Variants in CDH18 observed in about 807,000 individuals in gnomAD.
The protein encoded by CDH18 is cadherin-18.
Under a neutral mutation model 67.9 loss-of-function variants are expected in CDH18, and 31 were observed. The observed-to-expected ratio is 0.46, with a 90% confidence interval of 0.34 to 0.62. The LOEUF is 0.62. CDH18 is among the 20% of genes least tolerant of loss of function. CDH18 has a pLI of 0.01. For synonymous variants in CDH18, 362 were observed against 347.2 expected (o/e 1.04, Z -0.48); for missense variants, 890 against 975.5 (o/e 0.91, Z 1.17).
At chr5:20,101,102 C>T (rs1392407318) in intron 2 of CDH18, among the ~76,000 whole-genome samples, 1 of 151,896 alleles carries the variant, frequency 6.6e-6, no homozygotes, top group African/African-American at 2.4e-5. Flanking sequence ...CAGGTATGTA[C>T]ACCACATCGG....
At chr5:19,750,809 T>C (rs1303739367) in intron 3 of CDH18, among the ~76,000 whole-genome samples, 1 of 143,786 alleles carries the variant, frequency 7.0e-6, no homozygotes, top group African/African-American at 2.6e-5. Context: ...ACCAAGGGCA[T>C]TGTAGCAGGG....
intron 1 of CDH18, among the ~76,000 whole-genome samples, chr5:20,505,884 C>T (rs1269252606): frequency 6.6e-6 from 1 of 152,146 alleles, no homozygotes; most frequent in Non-Finnish European, 1.5e-5. Context: ...GCATACACTC[C>T]CCCACGAGAA....
chr5:19,683,587 T>C (rs562439620), intron 5 of CDH18, among the ~76,000 whole-genome samples: 16 of 152,088 alleles, frequency 1.1e-4, no homozygotes, highest in Non-Finnish European at 2.4e-4. Context: ...AAAGGGATCA[T>C]TTAAAGTCTC....
At chr5:19,490,638 C>T (rs1741314394) in intron 11 of CDH18, among the ~76,000 whole-genome samples, 2 of 151,934 alleles carry the variant, frequency 1.3e-5, no homozygotes, top group African/African-American at 2.4e-5. Context: ...TGATCTCAAT[C>T]TCTGGACCTC....
chr5:19,652,882 TTCATTTA>T (rs1218306195), intron 5 of CDH18, among the ~76,000 whole-genome samples: 4 of 152,092 alleles, frequency 2.6e-5, no homozygotes, highest in South Asian at 2.1e-4. Flanking sequence ...AAATGATGCA[TTCATTTA>T]CAAGGACAGC....
At chr5:20,312,894 C>G (rs947970520) in intron 1 of CDH18, among the ~76,000 whole-genome samples, 82 of 152,062 alleles carry the variant, frequency 5.4e-4, no homozygotes, top group African/African-American at 1.9e-3. Flanking sequence ...TCTTTTTAAT[C>G]AATTCTTTCT....
intron 2 of CDH18, among the ~76,000 whole-genome samples, chr5:20,049,843 A>C (rs1741254233): frequency 6.6e-6 from 1 of 151,956 alleles, no homozygotes; most frequent in Non-Finnish European, 1.5e-5. Flanking sequence ...CTGGACAGGA[A>C]GCCAGAATGA....
intron 2 of CDH18, among the ~76,000 whole-genome samples, chr5:20,028,689 T>C (rs4292450): frequency 0.84 from 127,407 of 152,070 alleles, 55,657 homozygotes; most frequent in Non-Finnish European, 0.96. Flanking sequence ...AAATACAGCG[T>C]GGATAAGCTG....
chr5:20,044,080 A>G (rs894491808), intron 2 of CDH18, among the ~76,000 whole-genome samples: 10 of 152,276 alleles, frequency 6.6e-5, no homozygotes, highest in East Asian at 1.9e-4. Flanking sequence ...ATTAATTAGT[A>G]TATTAGTAAA....
intron 3 of CDH18, among the ~76,000 whole-genome samples, chr5:19,779,510 T>A (rs911616280): frequency 6.6e-6 from 1 of 152,186 alleles, no homozygotes; most frequent in Non-Finnish European, 1.5e-5. Context: ...TCTGCTATCC[T>A]CAATTCATGG....
intron 1 of CDH18, among the ~76,000 whole-genome samples, chr5:20,333,817 G>C (rs777121350): frequency 6.6e-6 from 1 of 151,992 alleles, no homozygotes; most frequent in Non-Finnish European, 1.5e-5. Flanking sequence ...TCTTACTGGA[G>C]GCATCACTTT....
intron 5 of CDH18, among the ~76,000 whole-genome samples, chr5:19,657,154 CT>C (rs1391043528): frequency 6.6e-6 from 1 of 152,056 alleles, no homozygotes; most frequent in Admixed American, 6.6e-5. Context: ...CTTGTACTCT[CT>C]TGTGTCATCA....
At chr5:19,611,510 T>C (rs1208646984) in intron 6 of CDH18, among the ~76,000 whole-genome samples, 1 of 152,146 alleles carries the variant, frequency 6.6e-6, no homozygotes, top group Non-Finnish European at 1.5e-5. Context: ...GAGGAGGCAG[T>C]ATTCCACAGT....
chr5:20,190,725 A>T (rs1738470485), intron 2 of CDH18, among the ~76,000 whole-genome samples: 1 of 151,974 alleles, frequency 6.6e-6, no homozygotes, highest in Admixed American at 6.6e-5. Flanking sequence ...ATTACCATTG[A>T]CTCCTCCTAA....
intron 3 of CDH18, among the ~76,000 whole-genome samples, chr5:19,795,972 T>C (rs1332622086): frequency 6.6e-6 from 1 of 151,818 alleles, no homozygotes. Context: ...ATAGGTTGAG[T>C]AGTAGAGTGG....
intron 2 of CDH18, among the ~76,000 whole-genome samples, chr5:20,240,030 A>G (rs767487475): frequency 3.9e-5 from 6 of 152,136 alleles, no homozygotes; most frequent in African/African-American, 7.2e-5. Context: ...ATTTTAGAAC[A>G]AAAAAGACAA....
chr5:20,295,854 A>C (rs148186569), intron 1 of CDH18, among the ~76,000 whole-genome samples: 2,583 of 141,828 alleles, frequency 0.018, 89 homozygotes, highest in African/African-American at 0.063. Flanking sequence ...ATTTTATTTT[A>C]TTTTCTTTCT....
At chr5:19,961,623 T>G (rs974648191) in intron 2 of CDH18, among the ~76,000 whole-genome samples, 7 of 152,140 alleles carry the variant, frequency 4.6e-5, no homozygotes, top group Non-Finnish European at 8.8e-5. Context: ...TATCTTATCT[T>G]CATTATGAAT....
chr5:19,563,931 T>G (rs1561355724), intron 8 of CDH18, among the ~76,000 whole-genome samples: 1 of 151,990 alleles, frequency 6.6e-6, no homozygotes, highest in African/African-American at 2.4e-5. Context: ...GAGAACACAA[T>G]GATTATGAGA....
Sources: allele counts gnomAD v4.1 joint callset (sites outside exome capture counted in the v4.1 genomes callset), GRCh38; gene constraint gnomAD v4.1.1; transcripts MANE v1.5; gene names NCBI Gene and HGNC (gene_info 2026-07-23, HGNC 2026-07-21).